LIN7A: variants seen among roughly 807,000 people sequenced by gnomAD.
LIN7A encodes lin-7 cell polarity scaffold A.
In LIN7A, 25 loss-of-function variants were observed where a neutral mutation model predicts 29.8. The ratio of observed to expected loss-of-function variants is 0.84; its 90% CI spans 0.61 to 1.17. The LOEUF (loss-of-function observed/expected upper bound fraction) is 1.17. LIN7A is among the 50% of genes most tolerant of loss of function. The probability of loss-of-function intolerance (pLI) is 0.00; values close to 1 mark genes in which losing one functional copy is unlikely to be tolerated. For missense variants in LIN7A, 239 were observed against 287.0 expected (o/e 0.83, Z 1.21); for synonymous variants, 118 against 107.5 (o/e 1.10, Z -0.60).
intron 4 of LIN7A, among the ~76,000 whole-genome samples, chr12:80,816,404 C>G (rs1871536249): frequency 6.7e-6 from 1 of 148,154 alleles, no homozygotes; most frequent in East Asian, 2.0e-4. Flanking sequence ...GAGCAAGACT[C>G]TGTCTCAAAA....
At chr12:80,912,139 A>G (rs950036515) in intron 1 of LIN7A, among the ~76,000 whole-genome samples, 7 of 152,226 alleles carry the variant, frequency 4.6e-5, no homozygotes, top group South Asian at 2.1e-4. Context: ...ATGCTGGTTT[A>G]TCAAGCACCA....
intron 2 of LIN7A, among the ~76,000 whole-genome samples, chr12:80,858,659 T>C (rs1029731849): frequency 3.3e-5 from 5 of 152,254 alleles, no homozygotes; most frequent in Admixed American, 1.3e-4. Flanking sequence ...CATAGTACCA[T>C]TCAAAGTGAC....
intron 1 of LIN7A, among the ~76,000 whole-genome samples, chr12:80,901,388 T>C (rs1451467974): frequency 1.3e-5 from 2 of 152,166 alleles, no homozygotes; most frequent in East Asian, 3.8e-4. Flanking sequence ...GGTCTAATGA[T>C]CTCTCAATAA....
chr12:80,930,200 T>C (rs1435651387), intron 1 of LIN7A, among the ~76,000 whole-genome samples: 1 of 152,222 alleles, frequency 6.6e-6, no homozygotes, highest in Non-Finnish European at 1.5e-5. Context: ...TTAGACACCC[T>C]AGCTTTATGT....
At chr12:80,908,606 A>C (rs1001672469) in intron 1 of LIN7A, among the ~76,000 whole-genome samples, 1 of 152,102 alleles carries the variant, frequency 6.6e-6, no homozygotes, top group Non-Finnish European at 1.5e-5. Flanking sequence ...ACTTTTCTGC[A>C]CTTGAGACAA....
chr12:80,912,711 CTCAA>C (rs1354880981), intron 1 of LIN7A, among the ~76,000 whole-genome samples: 6 of 39,762 alleles, frequency 1.5e-4, no homozygotes, highest in Non-Finnish European at 2.0e-4. Flanking sequence ...TGAGACTTGT[CTCAA>C]AAAAAAAAAA....
chr12:80,937,843 G>A lies in LIN7A; in HGVS notation c.-121C>T. On this transcript the variant is annotated 5_prime_UTR_variant, in exon 1 of 6. Transcript: ENST00000552864. ...GTGGTGGTGGTGGAGAAGAAAGCTT[G>A]GGTGGGTTGGTAGCCAGATGGAGAC... The A allele has an allele frequency of 1.4e-6, 1 of 733,740 alleles. No homozygotes were observed. Among genetic ancestry groups the A allele is most frequent in the Non-Finnish European group, 2.0e-6 (1 of 489,854 alleles). 45.5% of individuals were successfully genotyped at this position (733,740 alleles called of 1,614,324 possible).
At chr12:80,898,511 C>G (rs946006329) in intron 1 of LIN7A, among the ~76,000 whole-genome samples, 5 of 149,990 alleles carry the variant, frequency 3.3e-5, no homozygotes, top group African/African-American at 1.2e-4. Flanking sequence ...TTTTTTTTTT[C>G]TAATTCTGTG....
intron 5 of LIN7A, among the ~76,000 whole-genome samples, chr12:80,807,081 T>TG (rs1565883898): frequency 3.0e-5 from 4 of 135,582 alleles, no homozygotes; most frequent in Non-Finnish European, 4.6e-5. Flanking sequence ...TTTTTTTTTT[T>TG]TTTTTTTTTT....
At chr12:80,831,487 C>G in intron 4 of LIN7A, among the ~76,000 whole-genome samples, 1 of 152,228 alleles carries the variant, frequency 6.6e-6, no homozygotes, top group African/African-American at 2.4e-5. Flanking sequence ...AATAGACATA[C>G]TAAAAGTTGC....
At chr12:80,812,274 T>C (rs1029607194) in intron 4 of LIN7A, among the ~76,000 whole-genome samples, 1 of 111,588 alleles carries the variant, frequency 9.0e-6, no homozygotes, top group African/African-American at 4.3e-5. Flanking sequence ...CTATGCTAAA[T>C]ATAACAGATT....
intron 4 of LIN7A, among the ~76,000 whole-genome samples, chr12:80,813,364 A>T (rs1324908948): frequency 6.6e-6 from 1 of 152,232 alleles, no homozygotes; most frequent in African/African-American, 2.4e-5. Context: ...AATTTGGTGT[A>T]CAGACAAGGA....
chr12:80,911,205 AAAATGTGTCAGAAAAATTTC>A, intron 1 of LIN7A, among the ~76,000 whole-genome samples: 1 of 152,184 alleles, frequency 6.6e-6, no homozygotes, highest in Non-Finnish European at 1.5e-5. Flanking sequence ...TACATACATG[AAAATGTGTCAGAAAAATTTC>A]AAATGTGATT....
rs560049362 is a variant in LIN7A, at chr12:80,840,193, T to C, written c.483+5537A>G. On this transcript the variant is annotated intron_variant, in intron 4 of 5. Coordinates refer to ENST00000552864, the MANE Select transcript of LIN7A (RefSeq NM_004664.4). The stretch of plus-strand genomic sequence containing the variant: ...AGATTTAAGAGAAGTTGAAAAGTAA[T>C]GTACAGGGACATCACATGCATCCTT... 1.3e-4 allele frequency among the ~76,000 whole-genome samples: 20 copies of C among 152,308 alleles called. No homozygotes were observed. The South Asian group carries it at 2.5e-3, about 19-fold the overall frequency.
intron 4 of LIN7A, among the ~76,000 whole-genome samples, chr12:80,818,878 G>C (rs1328444374): frequency 3.3e-5 from 5 of 152,112 alleles, no homozygotes; most frequent in Non-Finnish European, 5.9e-5. Flanking sequence ...AAAAAGTGTT[G>C]GTTAGATGAG....
intron 2 of LIN7A, among the ~76,000 whole-genome samples, chr12:80,874,679 G>A (rs563212815): frequency 6.6e-6 from 1 of 152,292 alleles, no homozygotes; most frequent in African/African-American, 2.4e-5. Context: ...ACTCATTACT[G>A]ACAAGCATTA....
chr12:80,858,566 G>A (rs1041745423), intron 2 of LIN7A, among the ~76,000 whole-genome samples: 1 of 145,602 alleles, frequency 6.9e-6, no homozygotes, highest in African/African-American at 2.6e-5. Context: ...GCTGTTCCCT[G>A]TCTTGTCCTT....
chr12:80,868,696 G>C (rs1440811220), intron 2 of LIN7A, among the ~76,000 whole-genome samples: 1 of 152,176 alleles, frequency 6.6e-6, no homozygotes, highest in Non-Finnish European at 1.5e-5. Flanking sequence ...AAGTTTTCAG[G>C]AAGTAATTAA....
chr12:80,805,995 T>TGACCAGTA (rs1193416101), intron 5 of LIN7A, among the ~76,000 whole-genome samples: 90 of 112,762 alleles, frequency 8.0e-4, no homozygotes, highest in Non-Finnish European at 1.1e-3. Context: ...GGAGAATCGC[T>TGACCAGTA]TGAACCCAGG....
Sources: allele counts gnomAD v4.1 joint callset (sites outside exome capture counted in the v4.1 genomes callset), GRCh38; gene constraint gnomAD v4.1.1; transcripts MANE v1.5; gene names NCBI Gene and HGNC (gene_info 2026-07-23, HGNC 2026-07-21).